Variants in ADGRL2 observed in about 807,000 individuals in gnomAD.
ADGRL2 encodes adhesion G protein-coupled receptor L2, also known as calcium-independent alpha-latrotoxin receptor 2.
A neutral mutation model predicts 157.4 loss-of-function variants in ADGRL2; 44 were observed. The observed-to-expected ratio is 0.28, with a 90% CI of 0.22 to 0.36. The LOEUF (loss-of-function observed/expected upper bound fraction) is 0.36. Ranked by LOEUF, ADGRL2 falls within the 10% of genes least tolerant of loss-of-function variation. The pLI, the probability that ADGRL2 is intolerant of heterozygous loss-of-function variation, is 1.00. For synonymous variants in ADGRL2, 585 were observed against 624.7 expected, an observed-to-expected ratio of 0.94 and a Z score of 0.95; for missense variants, 1,510 against 1,768.9, an observed-to-expected ratio of 0.85 and a Z score of 2.63.
At chr1:81,906,157 A>C (rs2094581073) in intron 2 of ADGRL2, among the ~76,000 whole-genome samples, 1 of 152,134 alleles carries the variant, frequency 6.6e-6, no homozygotes, top group Non-Finnish European at 1.5e-5. Context: ...CTTGTTAGTG[A>C]AAACCTACCA....
intron 2 of ADGRL2, among the ~76,000 whole-genome samples, chr1:81,866,183 C>T (rs1030386462): frequency 2.6e-5 from 4 of 152,106 alleles, no homozygotes; most frequent in African/African-American, 4.8e-5. Context: ...TTGCCTCTGG[C>T]ACTCATTCCT....
intron 1 of ADGRL2, among the ~76,000 whole-genome samples, chr1:81,365,656 G>T (rs570507951): frequency 6.6e-6 from 1 of 152,170 alleles, no homozygotes; most frequent in African/African-American, 2.4e-5. Context: ...GATAACGGAG[G>T]ATCATCATTT....
intron 1 of ADGRL2, chr1:81,427,281 A>T (rs1276499057): frequency 4.1e-6 from 3 of 739,346 alleles, no homozygotes; most frequent in African/African-American, 1.7e-5. Context: ...GATGGTGGAT[A>T]TAATGGACTT....
At chr1:81,652,915 CCAG>C (rs2082451014) in intron 3 of ADGRL2, among the ~76,000 whole-genome samples, 1 of 152,086 alleles carries the variant, frequency 6.6e-6, no homozygotes, top group Non-Finnish European at 1.5e-5. Flanking sequence ...TATTCTCCTT[CCAG>C]CTCTTTCTCA....
chr1:81,727,635 G>A (rs558574336), intron 1 of ADGRL2, among the ~76,000 whole-genome samples: 4 of 152,134 alleles, frequency 2.6e-5, no homozygotes, highest in Admixed American at 1.3e-4. Context: ...GTTTCACCAG[G>A]TTGGCCAGGA....
intron 2 of ADGRL2, among the ~76,000 whole-genome samples, chr1:81,838,125 T>TA (rs1424435723): frequency 2.6e-5 from 4 of 152,024 alleles, no homozygotes; most frequent in Admixed American, 2.6e-4. Flanking sequence ...AGAAGTGTAT[T>TA]ATTCCGTTGT....
chr1:81,719,411 G>A (rs574714650), intron 1 of ADGRL2, among the ~76,000 whole-genome samples: 4 of 151,946 alleles, frequency 2.6e-5, no homozygotes, highest in South Asian at 2.1e-4. Flanking sequence ...TTTTATCTTC[G>A]TCTACACATA....
At chr1:81,392,008 A>G (rs142223772) in intron 1 of ADGRL2, among the ~76,000 whole-genome samples, 3 of 152,316 alleles carry the variant, frequency 2.0e-5, no homozygotes, top group African/African-American at 4.8e-5. Context: ...AGCATGAAGC[A>G]TGGGAGAACG....
chr1:81,920,261 T>G (rs2094946942), intron 3 of ADGRL2, among the ~76,000 whole-genome samples: 1 of 152,194 alleles, frequency 6.6e-6, no homozygotes, highest in Non-Finnish European at 1.5e-5. Flanking sequence ...GATTGACATG[T>G]CAATGTGTAC....
chr1:81,855,448 C>T (rs1055291590), intron 2 of ADGRL2, among the ~76,000 whole-genome samples: 1 of 151,984 alleles, frequency 6.6e-6, no homozygotes, highest in Non-Finnish European at 1.5e-5. Flanking sequence ...CTCAAAAAAA[C>T]CAAAAAAACA....
intron 18 of ADGRL2, chr1:81,980,926 T>A (rs1661487074): frequency 1.8e-6 from 1 of 566,342 alleles, no homozygotes; most frequent in African/African-American, 1.9e-5. Flanking sequence ...CCTTAATTTT[T>A]ATAATTATTT....
intron 2 of ADGRL2, among the ~76,000 whole-genome samples, chr1:81,560,192 T>A (rs1358077494): frequency 2.0e-5 from 3 of 152,112 alleles, no homozygotes; most frequent in Non-Finnish European, 1.5e-5. Context: ...TCAAAGAGTA[T>A]GGGTATTGTG....
At chr1:81,539,899 G>C (rs977940850) in intron 2 of ADGRL2, among the ~76,000 whole-genome samples, 1 of 151,554 alleles carries the variant, frequency 6.6e-6, no homozygotes, top group African/African-American at 2.4e-5. Context: ...CCTTACTCTA[G>C]AACTTAGTGT....
At chr1:81,543,135 C>T (rs895685318) in intron 2 of ADGRL2, among the ~76,000 whole-genome samples, 21 of 151,736 alleles carry the variant, frequency 1.4e-4, no homozygotes, top group African/African-American at 4.6e-4. Flanking sequence ...ACTATAGGAC[C>T]CTGGAACATA....
chr1:81,765,832 G>A (rs554345489), intron 2 of ADGRL2, among the ~76,000 whole-genome samples: 1 of 152,084 alleles, frequency 6.6e-6, no homozygotes, highest in African/African-American at 2.4e-5. Flanking sequence ...GTCAGCTATA[G>A]CCAATAGTCA....
At chr1:81,731,847 G>A (rs1353148476) in intron 1 of ADGRL2, among the ~76,000 whole-genome samples, 1 of 152,110 alleles carries the variant, frequency 6.6e-6, no homozygotes, top group Admixed American at 6.6e-5. Flanking sequence ...CTGTGCTCCT[G>A]GCACTGTGCT....
At chr1:81,763,533 G>A (rs1023795074) in intron 2 of ADGRL2, among the ~76,000 whole-genome samples, 1 of 146,818 alleles carries the variant, frequency 6.8e-6, no homozygotes, top group African/African-American at 2.5e-5. Context: ...AGGTTGCAGT[G>A]AGCCAAGACT....
chr1:81,599,426 G>C (rs1557494924), intron 3 of ADGRL2, among the ~76,000 whole-genome samples: 1 of 152,140 alleles, frequency 6.6e-6, no homozygotes, highest in South Asian at 2.1e-4. Flanking sequence ...ACATGGTACA[G>C]TTCCTGGAGG....
intron 2 of ADGRL2, among the ~76,000 whole-genome samples, chr1:81,568,153 G>A (rs1295374708): frequency 2.0e-5 from 3 of 152,128 alleles, no homozygotes; most frequent in African/African-American, 7.2e-5. Flanking sequence ...AAATTATATA[G>A]TGGTGTTTTC....
Sources: allele counts gnomAD v4.1 joint callset (sites outside exome capture counted in the v4.1 genomes callset), GRCh38; gene constraint gnomAD v4.1.1; transcripts MANE v1.5; gene names NCBI Gene and HGNC (gene_info 2026-07-23, HGNC 2026-07-21).